FANCD2OS: variants seen among roughly 807,000 people sequenced by gnomAD.
The protein encoded by FANCD2OS is FANCD2 opposite strand protein.
FANCD2OS carries 11 observed loss-of-function variants against 13.2 expected under a neutral mutation model. That is an observed-to-expected ratio of 0.83 (90% CI 0.52 to 1.38). The LOEUF (loss-of-function observed/expected upper bound fraction) is 1.38, where lower values mean the gene tolerates loss of function less well. Ranked by LOEUF, FANCD2OS falls within the 40% of genes most tolerant of loss-of-function variation. FANCD2OS has a pLI of 0.00. For missense variants in FANCD2OS, 217 were observed against 213.9 expected (o/e 1.01, Z -0.09); for synonymous variants, 69 against 84.5 (o/e 0.82, Z 1.01).
intron 2 of FANCD2OS, chr3:10,087,004 C>G (rs1005141753): frequency 2.9e-6 from 3 of 1,020,538 alleles, no homozygotes; most frequent in Non-Finnish European, 4.6e-6. Flanking sequence ...ACTAAAGCAC[C>G]TGAAAATAAG....
intron 2 of FANCD2OS, chr3:10,088,536 T>G: frequency 6.3e-7 from 1 of 1,599,118 alleles, no homozygotes; most frequent in Non-Finnish European, 8.6e-7. Flanking sequence ...CTCCATGCTC[T>G]GCTCTGGTGA....
At chr3:10,103,529 C>A (rs1314072201), downstream of FANCD2OS, among the ~76,000 whole-genome samples, 1 of 152,142 alleles carries the variant, frequency 6.6e-6, no homozygotes, top group Admixed American at 6.5e-5. Context: ...GAGCCAAGAC[C>A]ATGCTACTGT....
intron 2 of FANCD2OS, among the ~76,000 whole-genome samples, chr3:10,084,430 C>A (rs1694053510): frequency 6.6e-6 from 1 of 151,854 alleles, no homozygotes; most frequent in South Asian, 2.1e-4. Flanking sequence ...GTTGGGACTG[C>A]AGGCATGTAC....
chr3:10,087,273 C>G lies in FANCD2OS; in HGVS notation c.*44-5742G>C, dbSNP rs33998487. ...GAACAAAGAAAAAATTGGTGATGGG[C>G]CTAGATCCTTTTTTTTTTTTTTTTT... On this transcript the variant is annotated intron_variant, in intron 2 of 2. Transcript: ENST00000524279. 6.6e-6 allele frequency: 10 copies of G among 1,526,318 alleles called. No individual in the cohort carries two copies. In the East Asian group the frequency reaches 2.1e-4, roughly 31 times the overall value. The allele number at this position is 1,526,318 out of a possible 1,614,324, so 94.5% of individuals were successfully genotyped here.
intron 2 of FANCD2OS, chr3:10,088,375 T>C (rs1694363648): frequency 2.2e-6 from 2 of 911,608 alleles, no homozygotes; most frequent in Admixed American, 1.7e-5. Flanking sequence ...TCAATAATCA[T>C]CCTCAAAAAC....
downstream of FANCD2OS, among the ~76,000 whole-genome samples, chr3:10,102,579 C>T (rs1347668074): frequency 6.6e-5 from 10 of 151,490 alleles, no homozygotes; most frequent in Admixed American, 1.3e-4. Context: ...AATCCCAGCA[C>T]TTTGGGAGGC....
intron 2 of FANCD2OS, among the ~76,000 whole-genome samples, chr3:10,084,652 T>C (rs577610095): frequency 2.5e-4 from 38 of 152,288 alleles, no homozygotes; most frequent in South Asian, 6.2e-4. Flanking sequence ...CTATATCTCA[T>C]TGAAGCTATG....
chr3:10,081,581 G>T (rs1284701226), intron 2 of FANCD2OS: 2 of 816,280 alleles, frequency 2.5e-6, no homozygotes, highest in Non-Finnish European at 4.3e-6. Flanking sequence ...TGTGAATATG[G>T]TTCATTAATT....
At chr3:10,096,524 A>G (rs1418980393) in intron 2 of FANCD2OS, 5 of 1,565,982 alleles carry the variant, frequency 3.2e-6, no homozygotes, top group Non-Finnish European at 4.4e-6. Flanking sequence ...TCTTTGTGAC[A>G]GCATCAGATG....
Position 10,104,537 on chromosome 3 carries a change from G to A in FANCD2OS, c.238C>T (p.Arg80Cys), listed in dbSNP as rs141930678. ...PKLPCHTSEL[R>C]TMNNKGLVRK... ...ACCAGTCCTTTGTTGTTCATCGTGC[G>A]CAACTCTGATGTGTGGCAGGGTAAC... Residue 80 changes from arginine to cysteine, a missense_variant, in exon 2 of 2, where the codon CGC becomes TGC. Physicochemically the swap from Arg to Cys is radical, Grantham distance 180. Transcript: ENST00000450660. 37 of 1,614,044 alleles carry A rather than the reference G, an allele frequency of 2.3e-5. No individual in the cohort carries two copies. Among genetic ancestry groups the A allele is most frequent in the African/African-American group, 2.0e-4 (15 of 74,896 alleles).
chr3:10,090,216 T>C, intron 2 of FANCD2OS: 1 of 1,055,372 alleles, frequency 9.5e-7, no homozygotes, highest in Admixed American at 1.8e-5. Flanking sequence ...GAAGCTACTT[T>C]TGGTTCCTGG....
intron 2 of FANCD2OS, among the ~76,000 whole-genome samples, chr3:10,092,595 A>G (rs1694706644): frequency 6.6e-6 from 1 of 150,390 alleles, no homozygotes; most frequent in South Asian, 2.1e-4. Flanking sequence ...TCTCCTTTAA[A>G]CACACTGTGC....
downstream of FANCD2OS, among the ~76,000 whole-genome samples, chr3:10,100,560 CAG>C (rs1424586453): frequency 1.3e-5 from 2 of 152,160 alleles, no homozygotes; most frequent in African/African-American, 4.8e-5. Flanking sequence ...TTAGTAGAGA[CAG>C]GGTTTCACCA....
intron 2 of FANCD2OS, among the ~76,000 whole-genome samples, chr3:10,082,627 A>G (rs928258046): frequency 6.6e-6 from 1 of 152,066 alleles, no homozygotes; most frequent in African/African-American, 2.4e-5. Context: ...GCACATGTTC[A>G]TTCTCCTGCC....
chr3:10,089,015 G>T, intron 2 of FANCD2OS: 2 of 1,569,446 alleles, frequency 1.3e-6, no homozygotes, highest in Non-Finnish European at 1.7e-6. Context: ...GGGCACGGTG[G>T]CACACACCTG....
At chr3:10,081,731 C>A (rs1449644976) in intron 2 of FANCD2OS, among the ~76,000 whole-genome samples, 1 of 152,082 alleles carries the variant, frequency 6.6e-6, no homozygotes, top group Non-Finnish European at 1.5e-5. Context: ...GTTCCTTAGT[C>A]CAGTTTCCTT....
downstream of FANCD2OS, chr3:10,101,377 CTTTTTTTTTTTTTTT>C (rs950337384): frequency 2.6e-6 from 1 of 388,318 alleles, no homozygotes; most frequent in East Asian, 4.5e-5. Flanking sequence ...TTTTGTTCCT[CTTTTTTTTTTTTTTT>C]TTTTTTTTTT....
At chr3:10,100,408 C>G (rs34491509), downstream of FANCD2OS, among the ~76,000 whole-genome samples, 1,841 of 152,302 alleles carry the variant, frequency 0.012, 17 homozygotes, top group South Asian at 0.042. Flanking sequence ...GAGTCTCCCT[C>G]TGTCGCCCAG....
chr3:10,101,062 C>CT, downstream of FANCD2OS: 1 of 691,158 alleles, frequency 1.4e-6, no homozygotes, highest in Non-Finnish European at 2.5e-6. Context: ...AGCAAGACTC[C>CT]TTTAAAAAAA....
Sources: allele counts gnomAD v4.1 joint callset (sites outside exome capture counted in the v4.1 genomes callset), GRCh38; gene constraint gnomAD v4.1.1; transcripts MANE v1.5; gene names NCBI Gene and HGNC (gene_info 2026-07-23, HGNC 2026-07-21).